PKHD1: variants seen among roughly 807,000 people sequenced by gnomAD.
The protein encoded by PKHD1 is fibrocystin.
Under a neutral mutation model 412.0 loss-of-function variants are expected in PKHD1, and 291 were observed. The ratio of observed to expected loss-of-function variants is 0.71; its 90% confidence interval spans 0.64 to 0.78. The LOEUF (loss-of-function observed/expected upper bound fraction) is 0.78, where lower values mean the gene tolerates loss of function less well. Among genes scored for constraint, PKHD1 ranks in the 30% least tolerant of loss-of-function variants. The pLI is 0.00. For missense variants in PKHD1, 4,825 were observed against 4,950.7 expected, an observed-to-expected ratio of 0.97 and a Z score of 0.76; for synonymous variants, 1,777 against 1,821.5, an observed-to-expected ratio of 0.98 and a Z score of 0.62.
intron 50 of PKHD1, among the ~76,000 whole-genome samples, chr6:51,841,125 G>GT (rs1770110855): frequency 6.6e-6 from 1 of 152,114 alleles, no homozygotes; most frequent in Admixed American, 6.5e-5. Flanking sequence ...ACTAAGTATT[G>GT]TTTTTTCTTA....
At position 52,058,328 on chromosome 6, in the gene PKHD1, C is replaced by A; in HGVS notation, c.1507G>T (p.Val503Leu). 1 of 1,614,146 alleles carries A rather than the reference C, an allele frequency of 6.2e-7. No individual in the cohort carries two copies. Among genetic ancestry groups the A allele is most frequent in the Non-Finnish European group, 8.5e-7 (1 of 1,180,014 alleles). The change falls in exon 16 of 67, where the codon GTA (valine) becomes TTA (leucine). Residue 503 changes from valine (V) to leucine (L), a missense_variant. By Grantham distance (32) the Val-to-Leu change is conservative. Transcript: ENST00000371117. ...IRVRAQRLPE[V>L]QVLNVSGRGN... is the part of the protein sequence containing the mutation. ...GACTGGAAAGAGACACAGACCTGTA[C>A]TTCTGGAAGCCTCTGGGCTCGGACT...
chr6:52,053,386 A>AGG, intron 20 of PKHD1, 135 bp from the exon 21 acceptor site: 1 of 857,946 alleles, frequency 1.2e-6, no homozygotes, highest in Non-Finnish European at 1.9e-6. Context: ...CCCTGCACCC[A>AGG]AGCAGTCCTG....
intron 55 of PKHD1, among the ~76,000 whole-genome samples, chr6:51,770,251 G>T (rs932728326): frequency 6.6e-6 from 1 of 151,654 alleles, no homozygotes; most frequent in Non-Finnish European, 1.5e-5. Context: ...TGTATTATCT[G>T]CTGTAAAACT....
chr6:51,688,344 T>C (rs1777710359), intron 60 of PKHD1, among the ~76,000 whole-genome samples: 1 of 152,132 alleles, frequency 6.6e-6, no homozygotes, highest in East Asian at 1.9e-4. Flanking sequence ...TTGTCTTCCC[T>C]CTCAGGACTT....
intron 45 of PKHD1, among the ~76,000 whole-genome samples, chr6:51,884,563 A>G (rs1777902853): frequency 6.6e-6 from 1 of 152,232 alleles, no homozygotes; most frequent in Non-Finnish European, 1.5e-5. Flanking sequence ...CTTCACTATA[A>G]AAGTGCAATT....
Position 51,950,220 on chromosome 6 carries a change from A to AAAAATATATATATATAT in PKHD1, c.5908+9649_5908+9650insATATATATATATATTTT. Among the ~76,000 whole-genome samples, 478 of 98,188 alleles carry AAAAATATATATATATAT rather than the reference A, an allele frequency of 4.9e-3. 6 individuals are homozygous for AAAAATATATATATATAT. The highest frequency in any genetic ancestry group is 0.034 in the East Asian group (63 of 1,836). 64.4% of individuals were successfully genotyped at this position (98,188 alleles called of 152,430 possible). On this transcript the variant is annotated intron_variant, in intron 36 of 66. Coordinates refer to ENST00000371117, the MANE Select transcript of PKHD1 (RefSeq NM_138694.4). ...AATGGGCAATATAGAGAAAAAAAAA[A>AAAAATATATATATATAT]ATATATATATATATATATATGAAAT...
At chr6:51,901,398 T>G (rs1781256318) in intron 43 of PKHD1, among the ~76,000 whole-genome samples, 1 of 152,124 alleles carries the variant, frequency 6.6e-6, no homozygotes, top group African/African-American at 2.4e-5. Context: ...GAAATCATCA[T>G]TCTCAGTAAA....
chr6:52,080,316 C>T (rs972453875), intron 4 of PKHD1, among the ~76,000 whole-genome samples: 9 of 152,132 alleles, frequency 5.9e-5, no homozygotes, highest in African/African-American at 2.2e-4. Context: ...AATCTATTCC[C>T]CATTTCCATG....
rs1562356516 is a variant in PKHD1 at position 51,807,473 on chromosome 6, A to ATG, written c.8303-16101_8303-16100insCA. ...AAAAAAAAAAAATATATATATATAT[A>ATG]TATATATGTATATGTGTGTGTGTGT... On this transcript the variant is annotated intron_variant, in intron 52 of 66. Transcript: ENST00000371117. Among the ~76,000 whole-genome samples the ATG allele has an allele frequency of 8.4e-3, 1,003 of 118,754 alleles. 50 individuals are homozygous for ATG. The highest frequency in any genetic ancestry group is 0.034 in the African/African-American group (945 of 27,950). The allele number at this position is 118,754 out of a possible 152,430, so 77.9% of individuals were successfully genotyped here.
At chr6:51,943,156 C>CT (rs969504031) in intron 36 of PKHD1, among the ~76,000 whole-genome samples, 3 of 151,632 alleles carry the variant, frequency 2.0e-5, no homozygotes, top group African/African-American at 7.2e-5. Context: ...CAAGCAGTTT[C>CT]TCAGGCTCTT....
chr6:51,974,713 G>A (rs12212902), intron 35 of PKHD1, among the ~76,000 whole-genome samples: 6,881 of 152,232 alleles, frequency 0.045, 177 homozygotes, highest in Non-Finnish European at 0.072. Context: ...GAAAAGGGTG[G>A]GAGGGAGTGA....
At chr6:51,920,746 T>C (rs1357513581) in intron 37 of PKHD1, among the ~76,000 whole-genome samples, 2 of 152,240 alleles carry the variant, frequency 1.3e-5, no homozygotes, top group Non-Finnish European at 2.9e-5. Flanking sequence ...TGAATCCGTC[T>C]GGTCCTGGAC....
chr6:51,656,475 G>C (rs1165024519), intron 61 of PKHD1, among the ~76,000 whole-genome samples: 1 of 152,038 alleles, frequency 6.6e-6, no homozygotes, highest in Non-Finnish European at 1.5e-5. Context: ...TGACAACAGA[G>C]ATCAACAAAG....
At chr6:51,765,054 G>A (rs185937380) in intron 55 of PKHD1, among the ~76,000 whole-genome samples, 5 of 151,978 alleles carry the variant, frequency 3.3e-5, no homozygotes, top group East Asian at 3.9e-4. Flanking sequence ...CTCCAACTTC[G>A]CATGCCCCTG....
At chr6:52,026,302 AATT>A in intron 31 of PKHD1, 121 bp from the exon 32 acceptor site, 1 of 951,942 alleles carries the variant, frequency 1.1e-6, no homozygotes, top group Non-Finnish European at 1.7e-6. Flanking sequence ...GTGAAACCTC[AATT>A]ATTTTTTCTC....
chr6:52,071,190 C>G lies in PKHD1; in HGVS notation c.603-120G>C, dbSNP rs968775766. 3 of 750,298 alleles carry G rather than the reference C, an allele frequency of 4.0e-6. No homozygotes were observed. The Admixed American group carries it at 5.7e-5, about 14-fold the overall frequency. 46.5% of individuals were successfully genotyped at this position (750,298 alleles called of 1,614,324 possible). ...CAAATTTGCTAGAGAAAATGGTAGACAGAGAAAGTATAATGAGTTCATTAG... is the reference window on the plus strand; with the variant it reads ...CAAATTTGCTAGAGAAAATGGTAGAGAGAGAAAGTATAATGAGTTCATTAG... On this transcript the variant is annotated intron_variant, in intron 8 of 66. Transcript: ENST00000371117.
intron 34 of PKHD1, among the ~76,000 whole-genome samples, chr6:52,014,021 A>G (rs1353757499): frequency 6.6e-6 from 1 of 152,194 alleles, no homozygotes; most frequent in Non-Finnish European, 1.5e-5. Context: ...CAACACTGCC[A>G]TGGCTTGACT....
At chr6:51,646,403 G>A (rs922975618) in intron 63 of PKHD1, among the ~76,000 whole-genome samples, 6 of 152,166 alleles carry the variant, frequency 3.9e-5, no homozygotes. Context: ...ACACAATAGG[G>A]AGAAGGCTCC....
rs112637668 is a variant in PKHD1, at chr6:51,958,814, T to TACACACACAC, written c.5908+1046_5908+1055dup. Among the ~76,000 whole-genome samples, 193 of 149,640 alleles carry TACACACACAC rather than the reference T, an allele frequency of 1.3e-3. 1 individual carries two copies. Among genetic ancestry groups the TACACACACAC allele is most frequent in the Non-Finnish European group, 2.2e-3 (151 of 67,236 alleles). ...TAGTGGCATTCCCATAGCCACTAGC[T>TACACACACAC]ACACACACACACACACACACACACA... On this transcript the variant is annotated intron_variant, in intron 36 of 66. Transcript: ENST00000371117.
Sources: gnomAD v4.1 joint callset for allele counts (sites outside exome capture counted in the v4.1 genomes callset) on GRCh38, gnomAD v4.1.1 for gene constraint, MANE v1.5 for transcripts, NCBI Gene and HGNC (gene_info 2026-07-23, HGNC 2026-07-21) for gene names.